TUSC3: variants seen among roughly 807,000 people sequenced by gnomAD.
TUSC3 encodes dolichyl-diphosphooligosaccharide--protein glycosyltransferase subunit TUSC3.
A neutral mutation model predicts 44.8 loss-of-function variants in TUSC3; 45 were observed. The observed-to-expected ratio is 1.00, with a 90% CI of 0.79 to 1.29. TUSC3 has a LOEUF of 1.29. Ranked by LOEUF, TUSC3 falls within the 50% of genes most tolerant of loss-of-function variation. The pLI is 0.00. For synonymous variants in TUSC3, 212 were observed against 152.9 expected, an observed-to-expected ratio of 1.39 and a Z score of -2.85; for missense variants, 519 against 437.9, an observed-to-expected ratio of 1.19 and a Z score of -1.65.
At chr8:15,617,931 T>C (rs186804260) in intron 1 of TUSC3, among the ~76,000 whole-genome samples, 13 of 152,348 alleles carry the variant, frequency 8.5e-5, no homozygotes, top group Admixed American at 6.5e-4. Flanking sequence ...CCAGGCTGTG[T>C]GGTATAGCTC....
intron 1 of TUSC3, among the ~76,000 whole-genome samples, chr8:15,435,274 C>A (rs540414915): frequency 6.6e-6 from 1 of 152,256 alleles, no homozygotes; most frequent in South Asian, 2.1e-4. Flanking sequence ...ATTTGCATTT[C>A]TCTGGTGGCC....
At chr8:15,570,356 G>C (rs929328137) in intron 1 of TUSC3, among the ~76,000 whole-genome samples, 7 of 151,620 alleles carry the variant, frequency 4.6e-5, no homozygotes, top group African/African-American at 1.7e-4. Context: ...AATGTTGCTT[G>C]CTGGAAATTG....
intron 2 of TUSC3, among the ~76,000 whole-genome samples, chr8:15,489,768 A>G (rs1256810523): frequency 6.6e-6 from 1 of 151,974 alleles, no homozygotes; most frequent in Non-Finnish European, 1.5e-5. Context: ...GGCATGTCTG[A>G]CCCTCTCTTC....
chr8:15,445,298 A>G (rs1436677219), intron 1 of TUSC3, among the ~76,000 whole-genome samples: 1 of 151,862 alleles, frequency 6.6e-6, no homozygotes, highest in East Asian at 1.9e-4. Context: ...TCTAAAACTG[A>G]TCTATCCCAG....
rs574448990 is a variant in TUSC3, at chr8:15,675,060, T to C, written c.798+1224T>C. On this transcript the variant is annotated intron_variant, in intron 6 of 10. Coordinates refer to ENST00000503731, the MANE Select transcript of TUSC3 (RefSeq NM_006765.4). ...CTCCACAGTACTTGTCACCTTACAG[T>C]ATGCTACATAATTTATCGAATGTGT... 4.8e-3 allele frequency among the ~76,000 whole-genome samples: 733 copies of C among 152,154 alleles called. 8 individuals are homozygous for C. Among genetic ancestry groups the C allele is most frequent in the Non-Finnish European group, 9.1e-3 (615 of 67,952 alleles).
intron 7 of TUSC3, among the ~76,000 whole-genome samples, chr8:15,739,765 A>G (rs1429405234): frequency 6.6e-6 from 1 of 152,198 alleles, no homozygotes; most frequent in African/African-American, 2.4e-5. Flanking sequence ...CTGGGCTAGC[A>G]ATTATGTTCT....
chr8:15,491,261 G>C (rs2129125827), intron 2 of TUSC3, among the ~76,000 whole-genome samples: 1 of 152,282 alleles, frequency 6.6e-6, no homozygotes, highest in East Asian at 1.9e-4. Flanking sequence ...CACTGTCCCT[G>C]TGAAATTTGA....
At position 15,752,649 on chromosome 8, in the gene TUSC3, T is replaced by C. The variant is rs184977186; in HGVS notation, c.1028+4184T>C. On this transcript the variant is annotated intron_variant, in intron 9 of 10. Coordinates refer to ENST00000503731, the MANE Select transcript of TUSC3 (RefSeq NM_006765.4). ...AGACCAAGAGAGTATCTTTATTTTA[T>C]GACAGAAGCAGAAAATCTGACTCTG... Among the ~76,000 whole-genome samples, 112 of 152,284 alleles carry C rather than the reference T, an allele frequency of 7.4e-4. No homozygotes were observed. The East Asian group carries it at 0.013, about 18-fold the overall frequency.
At chr8:15,763,525 GA>G (rs1438419994) in intron 10 of TUSC3, among the ~76,000 whole-genome samples, 1 of 151,714 alleles carries the variant, frequency 6.6e-6, no homozygotes, top group Non-Finnish European at 1.5e-5. Flanking sequence ...GACTCAAAAA[GA>G]ACATGCCACG....
intron 1 of TUSC3, among the ~76,000 whole-genome samples, chr8:15,459,873 TGTATAC>T (rs1267552273): frequency 3.8e-4 from 56 of 147,382 alleles, no homozygotes; most frequent in Middle Eastern, 3.5e-3. Context: ...TGTGTGTGTG[TGTATAC>T]ATACATACAT....
intron 2 of TUSC3, among the ~76,000 whole-genome samples, chr8:15,517,683 C>A (rs564299579): frequency 6.6e-6 from 1 of 151,914 alleles, no homozygotes; most frequent in East Asian, 1.9e-4. Context: ...ATACTGCACA[C>A]GAAACAATTG....
chr8:15,670,060 T>G (rs1215010271), intron 5 of TUSC3, among the ~76,000 whole-genome samples: 3 of 151,864 alleles, frequency 2.0e-5, no homozygotes, highest in Non-Finnish European at 4.4e-5. Flanking sequence ...ATCAATCTAA[T>G]AAAAGATATG....
chr8:15,623,724 T>G (rs1050820706), intron 2 of TUSC3, among the ~76,000 whole-genome samples: 3 of 152,078 alleles, frequency 2.0e-5, no homozygotes, highest in Non-Finnish European at 4.4e-5. Context: ...AAGAAAACTT[T>G]GGACAAGTAT....
Position 15,764,395 on chromosome 8 carries a change from G to A in TUSC3, c.*239G>A. 1.6e-6 allele frequency: 1 copy of A among 612,210 alleles called. No homozygotes were observed. The highest frequency in any genetic ancestry group is 2.9e-6 in the Non-Finnish European group (1 of 349,186). The allele number at this position is 612,210 out of a possible 1,614,324, so 37.9% of individuals were successfully genotyped here. ...TTACAGAAATCAATGGTAGCATTTAGTAATCTACAAAGGAAATATCAAAGT... is the reference window on the plus strand; with the variant it reads ...TTACAGAAATCAATGGTAGCATTTAATAATCTACAAAGGAAATATCAAAGT... On this transcript the variant is annotated 3_prime_UTR_variant, in exon 11 of 11. Coordinates refer to ENST00000503731, the MANE Select transcript of TUSC3 (RefSeq NM_006765.4).
At chr8:15,606,172 T>C (rs1804516723) in intron 1 of TUSC3, among the ~76,000 whole-genome samples, 2 of 152,012 alleles carry the variant, frequency 1.3e-5, no homozygotes, top group African/African-American at 2.4e-5. Flanking sequence ...ATACCATAGA[T>C]TGAGATCTGT....
intron 1 of TUSC3, among the ~76,000 whole-genome samples, chr8:15,578,119 T>G (rs1803186319): frequency 6.7e-6 from 1 of 149,596 alleles, no homozygotes; most frequent in Non-Finnish European, 1.5e-5. Flanking sequence ...TCCGTTTGTC[T>G]GTTGTTGGTG....
the TUSC3 span, among the ~76,000 whole-genome samples, chr8:15,832,319 A>G: frequency 6.6e-6 from 1 of 152,278 alleles, no homozygotes; most frequent in African/African-American, 2.4e-5. Flanking sequence ...GTTACCAAAA[A>G]CAACAAAAAT....
intron 1 of TUSC3, among the ~76,000 whole-genome samples, chr8:15,427,924 G>A (rs1799825136): frequency 6.6e-6 from 1 of 151,834 alleles, no homozygotes. Flanking sequence ...GTTGATTTTT[G>A]CATACAGTAT....
intron 5 of TUSC3, among the ~76,000 whole-genome samples, chr8:15,672,142 T>C (rs2129182959): frequency 6.6e-6 from 1 of 152,098 alleles, no homozygotes; most frequent in Non-Finnish European, 1.5e-5. Flanking sequence ...GTGGCCTGAA[T>C]GGAGCATGCA....
Sources: gnomAD v4.1 joint callset for allele counts (sites outside exome capture counted in the v4.1 genomes callset) on GRCh38, gnomAD v4.1.1 for gene constraint, MANE v1.5 for transcripts, NCBI Gene and HGNC (gene_info 2026-07-23, HGNC 2026-07-21) for gene names.